The following HIVEP2 variants were observed in gnomAD, a reference collection of about 807,000 sequenced individuals.
The protein encoded by HIVEP2 is HIVEP zinc finger 2.
In HIVEP2, 14 loss-of-function variants were observed where a neutral mutation model predicts 180.7. The ratio of observed to expected loss-of-function variants is 0.08; its 90% CI spans 0.05 to 0.12. The LOEUF (loss-of-function observed/expected upper bound fraction) is 0.12. Among genes scored for constraint, HIVEP2 ranks in the 10% least tolerant of loss-of-function variants. The pLI is 1.00. For missense variants in HIVEP2, 2,579 were observed against 3,008.5 expected (o/e 0.86, Z 3.34); for synonymous variants, 1,184 against 1,136.4 (o/e 1.04, Z -0.84).
Position 142,772,384 on chromosome 6 carries a change from C to G in HIVEP2, c.2355G>C (p.Lys785Asn). The G allele has an allele frequency of 6.2e-7, 1 of 1,614,198 alleles. No individual in the cohort carries two copies. Among genetic ancestry groups the G allele is most frequent in the African/African-American group, 1.3e-5 (1 of 75,042 alleles). ...GTTTCCTGCCCCCTAGGTCTGACAT[C>G]TTGTCTGAATCAATGGCTGAAGGTG... Reference protein sequence around the residue: ...EESPSAIDSDKMSDLGGRKPP... With the variant: ...EESPSAIDSDNMSDLGGRKPP... The change falls in exon 5 of 10, where the codon AAG becomes AAC. Residue 785 changes from lysine (K) to asparagine (N), a missense_variant. Coordinates refer to ENST00000367603, the MANE Select transcript of HIVEP2 (RefSeq NM_006734.4). The surrounding 1 kb of genome is among the most constrained non-coding windows in gnomAD (Gnocchi z 4.9).
At chr6:142,776,702 T>C (rs1775710107) in intron 3 of HIVEP2, among the ~76,000 whole-genome samples, 1 of 152,090 alleles carries the variant, frequency 6.6e-6, no homozygotes, top group Non-Finnish European at 1.5e-5. Context: ...CATCTAATTT[T>C]TGTATTTTGT....
intron 1 of HIVEP2, among the ~76,000 whole-genome samples, chr6:142,912,604 A>G (rs1777441574): frequency 6.6e-6 from 1 of 152,236 alleles, no homozygotes; most frequent in Non-Finnish European, 1.5e-5. Flanking sequence ...GTGGTGGGCA[A>G]GCGAGCATTA....
At chr6:142,902,257 G>A (rs1048791998) in intron 1 of HIVEP2, among the ~76,000 whole-genome samples, 3 of 152,148 alleles carry the variant, frequency 2.0e-5, no homozygotes, top group African/African-American at 7.2e-5. Flanking sequence ...GATAAGGCAT[G>A]TTGATGTGAC....
At chr6:142,850,319 G>T (rs1206846867) in intron 1 of HIVEP2, among the ~76,000 whole-genome samples, 1 of 152,154 alleles carries the variant, frequency 6.6e-6, no homozygotes, top group Admixed American at 6.5e-5. Context: ...ACTTGATTGT[G>T]TTAATATAAA....
intron 3 of HIVEP2, among the ~76,000 whole-genome samples, chr6:142,779,181 C>T (rs1363533700): frequency 6.6e-6 from 1 of 152,060 alleles, no homozygotes; most frequent in African/African-American, 2.4e-5. Flanking sequence ...TCCTCTGGGC[C>T]CTGCTTCCCA....
chr6:142,865,980 ACCACTGGCCAG>A (rs1776129437), intron 1 of HIVEP2, among the ~76,000 whole-genome samples: 1 of 152,130 alleles, frequency 6.6e-6, no homozygotes, highest in African/African-American at 2.4e-5. Flanking sequence ...TCCTTCCTTT[ACCACTGGCCAG>A]CTGGATGACC....
At chr6:142,812,532 A>G (rs1455555936) in intron 2 of HIVEP2, among the ~76,000 whole-genome samples, 1 of 152,180 alleles carries the variant, frequency 6.6e-6, no homozygotes, top group East Asian at 1.9e-4. Context: ...CCTCCGTAAA[A>G]TTTTTAGGAA....
chr6:142,833,451 G>T (rs1210949932), intron 2 of HIVEP2, among the ~76,000 whole-genome samples: 1 of 152,152 alleles, frequency 6.6e-6, no homozygotes, highest in African/African-American at 2.4e-5. Context: ...GAGACAGGAA[G>T]GATAGACAGA....
chr6:142,792,963 C>T (rs1321980467), intron 2 of HIVEP2, among the ~76,000 whole-genome samples: 1 of 152,022 alleles, frequency 6.6e-6, no homozygotes, highest in Non-Finnish European at 1.5e-5. Context: ...GTGAGGTCTG[C>T]TGATGGGAGC....
chr6:142,870,564 C>G (rs1469337192), intron 1 of HIVEP2, among the ~76,000 whole-genome samples: 1 of 152,138 alleles, frequency 6.6e-6, no homozygotes, highest in African/African-American at 2.4e-5. Flanking sequence ...AGATAGAATC[C>G]ACAACAGTCT....
intron 9 of HIVEP2, among the ~76,000 whole-genome samples, chr6:142,755,678 A>G (rs1312773009): frequency 6.6e-6 from 1 of 152,218 alleles, no homozygotes; most frequent in Non-Finnish European, 1.5e-5. Flanking sequence ...CCAGGCTGAC[A>G]AATGGAGTCA....
At chr6:142,867,504 A>G (rs1416036853) in intron 1 of HIVEP2, among the ~76,000 whole-genome samples, 1 of 152,188 alleles carries the variant, frequency 6.6e-6, no homozygotes, top group Admixed American at 6.6e-5. Flanking sequence ...TTTGGTACAC[A>G]GAATCTGAAC....
chr6:142,786,814 A>G (rs888511876), intron 2 of HIVEP2, among the ~76,000 whole-genome samples: 3 of 152,206 alleles, frequency 2.0e-5, no homozygotes, highest in African/African-American at 7.2e-5. Flanking sequence ...TGACTCTTAC[A>G]TGAATCTAGC....
At chr6:142,818,458 C>T (rs909905668) in intron 2 of HIVEP2, among the ~76,000 whole-genome samples, 1 of 151,970 alleles carries the variant, frequency 6.6e-6, no homozygotes. Flanking sequence ...GGGTGGATCA[C>T]TTGAGGTCAG....
At chr6:142,839,130 G>T (rs1055532174) in intron 1 of HIVEP2, among the ~76,000 whole-genome samples, 1 of 152,234 alleles carries the variant, frequency 6.6e-6, no homozygotes, top group South Asian at 2.1e-4. Flanking sequence ...AGAAGAAGCA[G>T]ATCTGTTGCC....
At chr6:142,779,635 A>C (rs1050565430) in intron 3 of HIVEP2, 8 of 152,176 alleles carry the variant, frequency 5.3e-5, no homozygotes, top group African/African-American at 1.9e-4. Flanking sequence ...ACAAACAAAC[A>C]AAACAAAAAA....
chr6:142,790,245 T>C (rs1054030941), intron 2 of HIVEP2, among the ~76,000 whole-genome samples: 2 of 152,190 alleles, frequency 1.3e-5, no homozygotes, highest in African/African-American at 2.4e-5. Flanking sequence ...CAGGCACTAC[T>C]TCTTCTGCTG....
intron 1 of HIVEP2, among the ~76,000 whole-genome samples, chr6:142,898,383 C>T (rs1002596021): frequency 2.0e-5 from 3 of 152,150 alleles, no homozygotes; most frequent in Non-Finnish European, 2.9e-5. Context: ...TCACACAGGC[C>T]GCGCGCAGTG....
chr6:142,767,248 G>C (rs1274413711), intron 6 of HIVEP2, among the ~76,000 whole-genome samples: 1 of 152,180 alleles, frequency 6.6e-6, no homozygotes, highest in Non-Finnish European at 1.5e-5. Flanking sequence ...TCTCTGAGGA[G>C]AGATAAAATC....
Sources: gnomAD v4.1 joint callset for allele counts (sites outside exome capture counted in the v4.1 genomes callset) on GRCh38, gnomAD v4.1.1 for gene constraint, Gnocchi (gnomAD v3.1) non-coding constraint, MANE v1.5 for transcripts, NCBI Gene and HGNC (gene_info 2026-07-23, HGNC 2026-07-21) for gene names.